The following SLA2 variants were observed in gnomAD, a reference collection of about 807,000 sequenced individuals.
SLA2 encodes Src like adaptor 2.
A neutral mutation model predicts 27.3 loss-of-function variants in SLA2; 22 were observed. The observed-to-expected ratio is 0.81, with a 90% confidence interval of 0.58 to 1.15. The LOEUF (loss-of-function observed/expected upper bound fraction) is 1.15. SLA2 is among the 50% of genes most tolerant of loss of function. The pLI is 0.00. For missense variants in SLA2, 304 were observed against 322.2 expected (o/e 0.94, Z 0.43); for synonymous variants, 131 against 137.8 (o/e 0.95, Z 0.34).
Position 36,615,361 on chromosome 20 carries a change from C to T in SLA2, c.396G>A (p.Leu132=). Residue 132 remains leucine (L), a synonymous_variant, in exon 6 of 8, where the codon CTG becomes CTA. Coordinates refer to ENST00000262866, the MANE Select transcript of SLA2 (RefSeq NM_032214.4). ...ESQTRRGSYS[L]SVRLSRPASW... ...ATGCAGGGCGGCTGAGGCGGACTGA[C>T]AGAGAGTAAGAGCCTGAGGAGAAAG... is the stretch of plus-strand genomic sequence containing the variant. 3.1e-6 allele frequency: 5 copies of T among 1,613,914 alleles called. No individual in the cohort carries two copies. Among genetic ancestry groups the T allele is most frequent in the Non-Finnish European group, 3.4e-6 (4 of 1,180,038 alleles).
At chr20:36,631,390 G>T (rs997148614) in intron 5 of SLA2, among the ~76,000 whole-genome samples, 6 of 152,212 alleles carry the variant, frequency 3.9e-5, no homozygotes, top group African/African-American at 1.2e-4. Flanking sequence ...CTGGGCACAA[G>T]TGATTCTCCC....
chr20:36,620,902 A>T (rs2039275446), intron 5 of SLA2: 1 of 286,534 alleles, frequency 3.5e-6, no homozygotes, highest in South Asian at 3.9e-5. Flanking sequence ...ATAATGGTGA[A>T]GTGAAAAAGG....
chr20:36,625,727 T>C (rs1420124744), intron 5 of SLA2, among the ~76,000 whole-genome samples: 1 of 149,510 alleles, frequency 6.7e-6, no homozygotes, highest in Admixed American at 6.7e-5. Context: ...CTCAAGAAGC[T>C]GAGGTGGGAG....
At chr20:36,645,278 G>C (rs544174900) in intron 1 of SLA2, among the ~76,000 whole-genome samples, 13 of 151,242 alleles carry the variant, frequency 8.6e-5, no homozygotes, top group Non-Finnish European at 1.8e-4. Context: ...AAGGCAGGAG[G>C]ATCACTTGAG....
intron 7 of SLA2, among the ~76,000 whole-genome samples, 159 bp from the exon 8 acceptor site, chr20:36,614,145 C>G (rs556648782): frequency 5.9e-5 from 9 of 152,322 alleles, no homozygotes; most frequent in African/African-American, 1.9e-4. Context: ...CCCCACCTGT[C>G]GAGCCTGGGC....
rs905826083 is a variant in SLA2 at position 36,641,375 on chromosome 20, A to G, written c.-40T>C. 1 of 1,569,316 alleles carries G rather than the reference A, an allele frequency of 6.4e-7. No individual in the cohort carries two copies. Among genetic ancestry groups the G allele is most frequent in the Non-Finnish European group, 8.8e-7 (1 of 1,140,014 alleles). On this transcript the variant is annotated 5_prime_UTR_variant, in exon 2 of 8. Coordinates refer to ENST00000262866, the MANE Select transcript of SLA2 (RefSeq NM_032214.4). The stretch of plus-strand genomic sequence containing the variant: ...GCACTCAGAAGCACATCATCGAGGG[A>G]AATCTGAAAGAGACACAGTGATGGG...
intron 2 of SLA2, among the ~76,000 whole-genome samples, chr20:36,640,390 T>A (rs1226946919): frequency 6.6e-6 from 1 of 152,166 alleles, no homozygotes; most frequent in African/African-American, 2.4e-5. Flanking sequence ...TAGGACAGTA[T>A]AGCAGAACTT....
intron 1 of SLA2, among the ~76,000 whole-genome samples, chr20:36,642,605 C>G (rs973852821): frequency 1.3e-5 from 2 of 151,844 alleles, no homozygotes; most frequent in African/African-American, 4.8e-5. Flanking sequence ...TTTTTTAATA[C>G]AGAGAGTTTC....
Position 36,613,927 on chromosome 20 carries a change from C to A in SLA2, c.725G>T (p.Arg242Leu). Residue 242 changes from arginine to leucine, a missense_variant, in exon 8 of 8, where the codon CGG (arginine) becomes CTG (leucine). Transcript: ENST00000262866. Reference sequence around the variant, plus strand: ...GCTGATGTAGAAGCTGAGGGACTCCCGGAGACCCTCACTGAGAAGAGACTC... The same window carrying A: ...GCTGATGTAGAAGCTGAGGGACTCCAGGAGACCCTCACTGAGAAGAGACTC... Reference protein sequence around the residue: ...GEESLLSEGLRESLSFYISLN... With the variant: ...GEESLLSEGLLESLSFYISLN... 1 of 1,613,734 alleles carries A rather than the reference C, an allele frequency of 6.2e-7. No individual in the cohort carries two copies. The highest frequency in any genetic ancestry group is 8.5e-7 in the Non-Finnish European group (1 of 1,179,668).
At chr20:36,624,750 T>C (rs933163509) in intron 5 of SLA2, among the ~76,000 whole-genome samples, 1 of 152,202 alleles carries the variant, frequency 6.6e-6, no homozygotes, top group Non-Finnish European at 1.5e-5. Flanking sequence ...CAAACACATA[T>C]TGAGCATTTA....
intron 5 of SLA2, among the ~76,000 whole-genome samples, chr20:36,632,020 T>C (rs578811): frequency 3.9e-5 from 6 of 151,988 alleles, no homozygotes; most frequent in Non-Finnish European, 7.4e-5. Context: ...TGACCCCCCA[T>C]CTCCTCTACT....
intron 5 of SLA2, among the ~76,000 whole-genome samples, chr20:36,631,281 T>G (rs981332560): frequency 3.9e-5 from 6 of 152,134 alleles, no homozygotes; most frequent in African/African-American, 9.7e-5. Context: ...GCCTCCGAAG[T>G]AGCTCGGACT....
At chr20:36,617,289 C>T (rs1256728661) in intron 5 of SLA2, among the ~76,000 whole-genome samples, 2 of 151,262 alleles carry the variant, frequency 1.3e-5, no homozygotes, top group African/African-American at 4.9e-5. Context: ...ATTGCTTGAA[C>T]GCAGGAGACA....
chr20:36,642,503 A>C (rs1175854340), intron 1 of SLA2, among the ~76,000 whole-genome samples: 1 of 152,000 alleles, frequency 6.6e-6, no homozygotes, highest in Admixed American at 6.6e-5. Context: ...TCCTGGGTTC[A>C]GGGGATCCTC....
At chr20:36,644,437 TGCTCAGTAAG>T (rs1978286050) in intron 1 of SLA2, among the ~76,000 whole-genome samples, 1 of 152,178 alleles carries the variant, frequency 6.6e-6, no homozygotes, top group African/African-American at 2.4e-5. Context: ...ACAGAGTGGG[TGCTCAGTAAG>T]GCTTAGTTTC....
intron 2 of SLA2, among the ~76,000 whole-genome samples, chr20:36,637,400 T>C (rs962624210): frequency 6.6e-6 from 1 of 151,426 alleles, no homozygotes; most frequent in Non-Finnish European, 1.5e-5. Context: ...TTTCACCACG[T>C]TGGTCAGGCT....
intron 6 of SLA2, 133 bp from the exon 7 acceptor site, chr20:36,614,570 A>G: frequency 6.9e-7 from 1 of 1,453,576 alleles, no homozygotes; most frequent in Non-Finnish European, 9.0e-7. Flanking sequence ...ATGAGCCCCA[A>G]GCTATTGGTT....
chr20:36,632,616 G>T lies in SLA2; in HGVS notation c.361C>A (p.Arg121=). Residue 121 remains arginine (R), a synonymous_variant, in exon 5 of 8, where the codon CGG becomes AGG. Coordinates refer to ENST00000262866, the MANE Select transcript of SLA2 (RefSeq NM_032214.4). ...PGNPGGAFLI[R]ESQTRRGSYS... Reference sequence around the variant, plus strand: ...TCACCTCTCCTGGTCTGGCTCTCCCGGATGAGGAAGGCCCCTCCAGGGTTC... The same window carrying T: ...TCACCTCTCCTGGTCTGGCTCTCCCTGATGAGGAAGGCCCCTCCAGGGTTC... 1 of 1,614,142 alleles carries T rather than the reference G, an allele frequency of 6.2e-7. No individual in the cohort carries two copies. The highest frequency in any genetic ancestry group is 8.5e-7 in the Non-Finnish European group (1 of 1,179,998).
intron 5 of SLA2, among the ~76,000 whole-genome samples, chr20:36,616,980 G>C (rs2039219721): frequency 6.6e-6 from 1 of 152,036 alleles, no homozygotes; most frequent in Non-Finnish European, 1.5e-5. Flanking sequence ...AACCCAGGAG[G>C]CAGAGGTTGC....
Sources: allele counts gnomAD v4.1 joint callset (sites outside exome capture counted in the v4.1 genomes callset), GRCh38; gene constraint gnomAD v4.1.1; transcripts MANE v1.5; gene names NCBI Gene and HGNC (gene_info 2026-07-23, HGNC 2026-07-21).